The following PDE10A variants were observed in gnomAD, a reference collection of about 807,000 sequenced individuals.
PDE10A encodes the protein cAMP and cAMP-inhibited cGMP 3',5'-cyclic phosphodiesterase 10A.
Under a neutral mutation model 97.7 loss-of-function variants are expected in PDE10A, and 39 were observed. That is an observed-to-expected ratio of 0.40 (90% CI 0.31 to 0.52). The LOEUF is 0.52. Ranked by LOEUF, PDE10A falls within the 20% of genes least tolerant of loss-of-function variation. PDE10A has a pLI of 0.56. For synonymous variants in PDE10A, 371 were observed against 376.8 expected (o/e 0.98, Z 0.18); for missense variants, 731 against 1,047.8 (o/e 0.70, Z 4.17).
chr6:165,697,427 T>A (rs1181766664), intron 1 of PDE10A, among the ~76,000 whole-genome samples: 3 of 152,178 alleles, frequency 2.0e-5, no homozygotes, highest in African/African-American at 7.2e-5. Context: ...GCAAAATAAA[T>A]ACCTTTTCAG....
upstream of PDE10A, among the ~76,000 whole-genome samples, chr6:165,665,635 G>A (rs188850811): frequency 3.3e-5 from 5 of 151,952 alleles, no homozygotes; most frequent in Middle Eastern, 3.4e-3. Context: ...CAGTGCTCTT[G>A]GTAAAATAAA....
intron 1 of PDE10A, among the ~76,000 whole-genome samples, chr6:165,809,485 C>G (rs1302570550): frequency 6.6e-6 from 1 of 152,150 alleles, no homozygotes; most frequent in African/African-American, 2.4e-5. Context: ...TCTGAGGCAC[C>G]CCTAGTGGCC....
chr6:165,379,419 T>G, intron 17 of PDE10A, 53 bp from the exon 18 acceptor site: 1 of 1,384,566 alleles, frequency 7.2e-7, no homozygotes, highest in Non-Finnish European at 1.0e-6. Flanking sequence ...AGCTCTAATC[T>G]TATGACATTT....
At chr6:165,365,429 C>A (rs9459383) in intron 18 of PDE10A, among the ~76,000 whole-genome samples, 12,274 of 152,172 alleles carry the variant, frequency 0.081, 560 homozygotes, top group Middle Eastern at 0.2. Context: ...GACATGATGG[C>A]TCATACCTGT....
chr6:165,390,803 G>A (rs368017831), intron 16 of PDE10A, among the ~76,000 whole-genome samples: 107 of 152,252 alleles, frequency 7.0e-4, no homozygotes, highest in African/African-American at 2.5e-3. Context: ...TGCTGAACTG[G>A]TTTTTCCCGC....
intron 2 of PDE10A, among the ~76,000 whole-genome samples, chr6:165,528,973 G>A (rs774179162): frequency 1.3e-5 from 2 of 152,162 alleles, no homozygotes; most frequent in African/African-American, 2.4e-5. Flanking sequence ...AGGGGTGGAA[G>A]TGGAAGTGGC....
Position 165,671,535 on chromosome 6 carries a change from A to G in PDE10A, c.-614-127967T>C, listed in dbSNP as rs1396143781. On this transcript the variant is annotated intron_variant, in intron 1 of 19. Coordinates refer to the PDE10A transcript ENST00000366882. This position sits in a 1 kb window ranked among gnomAD's most constrained non-coding sequence, Gnocchi z 4.6. ...CGTTGGCTGCTGTGTATATCTCTCC[A>G]TGACTGTGTTCAGCATGACTGCACT... Among the ~76,000 whole-genome samples the G allele has an allele frequency of 6.6e-6, 1 of 152,162 alleles. No individual in the cohort carries two copies. Among genetic ancestry groups the G allele is most frequent in the Non-Finnish European group, 1.5e-5 (1 of 68,022 alleles).
chr6:165,653,924 G>C (rs181769408), intron 1 of PDE10A, among the ~76,000 whole-genome samples: 2 of 151,858 alleles, frequency 1.3e-5, no homozygotes, highest in Non-Finnish European at 2.9e-5. Context: ...CCTACTCTAC[G>C]AGCCCTGACT....
chr6:165,942,170 C>T (rs771410820), intron 1 of PDE10A, among the ~76,000 whole-genome samples: 6 of 152,108 alleles, frequency 3.9e-5, no homozygotes, highest in African/African-American at 7.2e-5. Flanking sequence ...ATTAAATATT[C>T]CAGTTAGGGC....
chr6:165,781,676 A>T (rs1778345092), intron 1 of PDE10A: 3 of 152,468 alleles, frequency 2.0e-5, no homozygotes, highest in Admixed American at 1.3e-4. Context: ...TGGAGACAGC[A>T]GAGGGAGGAA....
intron 1 of PDE10A, among the ~76,000 whole-genome samples, chr6:165,983,267 G>A (rs763271733): frequency 5.3e-5 from 8 of 152,298 alleles, no homozygotes; most frequent in African/African-American, 9.6e-5. Flanking sequence ...ACTATCCTAC[G>A]TTCATCAGCA....
chr6:165,503,726 G>C (rs946736551), intron 2 of PDE10A, among the ~76,000 whole-genome samples: 16 of 152,152 alleles, frequency 1.1e-4, no homozygotes, highest in African/African-American at 3.9e-4. Context: ...CTGGAAAATA[G>C]TTTGGCGTTT....
chr6:165,463,682 C>A (rs866146577), intron 3 of PDE10A, among the ~76,000 whole-genome samples: 5 of 152,184 alleles, frequency 3.3e-5, no homozygotes, highest in Non-Finnish European at 5.9e-5. Context: ...TAAGCCCCCC[C>A]CAAAAATCTG....
chr6:165,730,173 A>C (rs1792395289), intron 1 of PDE10A, among the ~76,000 whole-genome samples: 1 of 149,202 alleles, frequency 6.7e-6, no homozygotes, highest in Non-Finnish European at 1.5e-5. Context: ...AAAAAAAAAA[A>C]GCCACTGAAA....
chr6:165,553,050 T>A (rs918597864), intron 1 of PDE10A, among the ~76,000 whole-genome samples: 1 of 152,176 alleles, frequency 6.6e-6, no homozygotes, highest in Non-Finnish European at 1.5e-5. Context: ...AAAGCCTACA[T>A]GAGATTCTTT....
chr6:165,793,520 C>T lies in PDE10A; in HGVS notation c.-615+194009G>A, dbSNP rs1047231107. Among the ~76,000 whole-genome samples, 6 of 152,208 alleles carry T rather than the reference C, an allele frequency of 3.9e-5. No individual in the cohort carries two copies. In the South Asian group the frequency reaches 6.2e-4, roughly 16 times the overall value. ...GGGTGCAACTGCACACCTGACAGTG[C>T]GCTCCCTGAAATCTTCCTGCAATCC... On this transcript the variant is annotated intron_variant, in intron 1 of 19. Coordinates refer to the PDE10A transcript ENST00000366882.
intron 1 of PDE10A, among the ~76,000 whole-genome samples, chr6:165,813,612 G>T (rs2874945): frequency 0.13 from 19,669 of 152,056 alleles, 1,469 homozygotes; most frequent in Non-Finnish European, 0.17. Context: ...ATCTGTAAAC[G>T]GTAAGGTAAT....
chr6:165,987,726 C>T, exon 1 of PDE10A: 1 of 456,730 alleles, frequency 2.2e-6, no homozygotes, highest in Non-Finnish European at 4.4e-6. Context: ...CTGTCCACCA[C>T]GCTCGCGCGC....
chr6:165,640,630 T>G (rs565287072), intron 1 of PDE10A, among the ~76,000 whole-genome samples: 8 of 152,220 alleles, frequency 5.3e-5, no homozygotes, highest in Non-Finnish European at 8.8e-5. Context: ...CTTCTAAACC[T>G]TCCTGTTCAG....
Sources: allele counts gnomAD v4.1 joint callset (sites outside exome capture counted in the v4.1 genomes callset), GRCh38; gene constraint gnomAD v4.1.1; non-coding constraint Gnocchi (gnomAD v3.1); transcripts MANE v1.5; gene names NCBI Gene and HGNC (gene_info 2026-07-23, HGNC 2026-07-21).